The following SLC38A1 variants were observed in gnomAD, a reference collection of about 807,000 sequenced individuals.
SLC38A1 encodes solute carrier family 38 member 1.
In SLC38A1, 18 loss-of-function variants were observed where a neutral mutation model predicts 60.3. The ratio of observed to expected loss-of-function variants is 0.30; its 90% CI spans 0.21 to 0.44. The LOEUF (loss-of-function observed/expected upper bound fraction) is 0.44, where lower values mean the gene tolerates loss of function less well. SLC38A1 is among the 20% of genes least tolerant of loss of function. The pLI is 1.00. For missense variants in SLC38A1, 448 were observed against 587.2 expected (o/e 0.76, Z 2.45); for synonymous variants, 196 against 212.1 (o/e 0.92, Z 0.66).
At chr12:46,225,761 CTA>C (rs888534429) in intron 5 of SLC38A1, among the ~76,000 whole-genome samples, 1 of 152,166 alleles carries the variant, frequency 6.6e-6, no homozygotes, top group Non-Finnish European at 1.5e-5. Context: ...TAAAGAGGAA[CTA>C]TCTGACATCT....
Position 46,197,748 on chromosome 12 carries a change from T to C in SLC38A1, c.1334A>G (p.Asp445Gly). ...AATTCTTTGAGTTCCTTTATCTCCA[T>C]CCTGGTCTGTGATTTTTAAATAAAG... is the stretch of plus-strand genomic sequence containing the variant. ...SSLYLKITDQDGDKGTQRIWA... is the reference protein window; with the variant it reads ...SSLYLKITDQGGDKGTQRIWA... Residue 445 changes from aspartate to glycine, a missense_variant, in exon 16 of 17, where the codon GAT becomes GGT. Asp to Gly is a moderately conservative substitution (Grantham distance 94). Coordinates refer to ENST00000398637, the MANE Select transcript of SLC38A1 (RefSeq NM_030674.4). The C allele has an allele frequency of 6.2e-7, 1 of 1,602,502 alleles. No homozygotes were observed. The highest frequency in any genetic ancestry group is 8.5e-7 in the Non-Finnish European group (1 of 1,176,562).
rs776371815 is a variant in SLC38A1, at chr12:46,209,034, C to T, written c.388+20G>A. ...TAATTCACCCTGGTTTTAACAAAAT[C>T]AAACACGTCCTCAGCTTACCTGTTT... On this transcript the variant is annotated intron_variant, in intron 6 of 16. Coordinates refer to ENST00000398637, the MANE Select transcript of SLC38A1 (RefSeq NM_030674.4). The T allele has an allele frequency of 4.4e-6, 7 of 1,576,930 alleles. No homozygotes were observed. Among genetic ancestry groups the T allele is most frequent in the African/African-American group, 1.4e-5 (1 of 73,860 alleles).
chr12:46,227,732 T>C (rs1403793331), intron 5 of SLC38A1, among the ~76,000 whole-genome samples: 1 of 152,180 alleles, frequency 6.6e-6, no homozygotes, highest in African/African-American at 2.4e-5. Flanking sequence ...CACAGAACCA[T>C]AGCGTTTTGG....
intron 5 of SLC38A1, among the ~76,000 whole-genome samples, chr12:46,209,681 C>T (rs1247620827): frequency 6.6e-6 from 1 of 152,162 alleles, no homozygotes; most frequent in East Asian, 1.9e-4. Context: ...ATGTAATTCA[C>T]TTTTTTTGCA....
intron 5 of SLC38A1, among the ~76,000 whole-genome samples, chr12:46,213,440 C>T (rs1218341858): frequency 1.3e-5 from 2 of 152,180 alleles, no homozygotes; most frequent in Non-Finnish European, 1.5e-5. Flanking sequence ...TATATATCAA[C>T]CACTGCATCT....
At chr12:46,206,430 A>G (rs1939905705) in intron 8 of SLC38A1, among the ~76,000 whole-genome samples, 1 of 151,780 alleles carries the variant, frequency 6.6e-6, no homozygotes, top group African/African-American at 2.4e-5. Context: ...AATTATTTAC[A>G]TGGTTTCAAA....
rs537929307 is a variant in SLC38A1 at position 46,218,420 on chromosome 12, G to C, written c.315-9293C>G. Among the ~76,000 whole-genome samples the C allele has an allele frequency of 6.7e-4, 102 of 152,102 alleles. 1 individual carries two copies. The highest frequency in any genetic ancestry group is 2.9e-3 in the Admixed American group (44 of 15,268). Reference sequence around the variant, plus strand: ...GGTATTTGGGACTTTTGTTCCGGTAGAAAGGTGGATTGGGGGCTTCATTCA... The same window carrying C: ...GGTATTTGGGACTTTTGTTCCGGTACAAAGGTGGATTGGGGGCTTCATTCA... On this transcript the variant is annotated intron_variant, in intron 5 of 16. Coordinates refer to ENST00000398637, the MANE Select transcript of SLC38A1 (RefSeq NM_030674.4).
rs12227190 is a variant in SLC38A1 at position 46,256,636 on chromosome 12, C to G, written c.-209+11890G>C. On this transcript the variant is annotated intron_variant, in intron 1 of 16. Transcript: ENST00000398637. Reference sequence around the variant, plus strand: ...GCGCACACACACACACACACACACACAGAGAGAGAGAGAGAGAGAGAGAGA... The same window carrying G: ...GCGCACACACACACACACACACACAGAGAGAGAGAGAGAGAGAGAGAGAGA... Among the ~76,000 whole-genome samples, 662 of 123,238 alleles carry G rather than the reference C, an allele frequency of 5.4e-3. 4 individuals carry two copies. The highest frequency in any genetic ancestry group is 0.014 in the South Asian group (52 of 3,620). 80.8% of individuals were successfully genotyped at this position (123,238 alleles called of 152,430 possible).
At chr12:46,246,902 A>C (rs1941640524) in intron 1 of SLC38A1, among the ~76,000 whole-genome samples, 1 of 152,212 alleles carries the variant, frequency 6.6e-6, no homozygotes, top group Non-Finnish European at 1.5e-5. Context: ...GTCTGGAAAG[A>C]ACCTCCAGCA....
intron 5 of SLC38A1, among the ~76,000 whole-genome samples, chr12:46,218,053 A>G (rs2059414772): frequency 6.6e-6 from 1 of 152,250 alleles, no homozygotes; most frequent in Admixed American, 6.5e-5. Flanking sequence ...CCCAGTAAAA[A>G]TAGAATTTTA....
chr12:46,226,347 C>A (rs1940861983), intron 5 of SLC38A1, among the ~76,000 whole-genome samples: 2 of 151,806 alleles, frequency 1.3e-5, no homozygotes, highest in African/African-American at 4.8e-5. Flanking sequence ...ATATTGAAAT[C>A]ATGAAACAGA....
chr12:46,249,926 C>G (rs1157631388), intron 1 of SLC38A1, among the ~76,000 whole-genome samples: 1 of 152,174 alleles, frequency 6.6e-6, no homozygotes, highest in Non-Finnish European at 1.5e-5. Context: ...GGAGCTGGTA[C>G]CATTCCTCCT....
chr12:46,268,670 G>C lies in SLC38A1; in HGVS notation c.-353C>G, dbSNP rs539126242. On this transcript the variant is annotated 5_prime_UTR_variant, in exon 1 of 17. Transcript: ENST00000398637. The surrounding 1 kb of genome is among the most constrained non-coding windows in gnomAD (Gnocchi z 4.4). ...ATGTGGCCCCCGTCAGTAAGGGTTG[G>C]GCAGGGAGCTTGGCGTGGCCTGGCG... 6.7e-5 allele frequency: 19 copies of C among 283,754 alleles called. No homozygotes were observed. The East Asian group carries it at 1.9e-3, about 29-fold the overall frequency. The allele number at this position is 283,754 out of a possible 1,614,324, so 17.6% of individuals were successfully genotyped here.
At chr12:46,211,343 A>G (rs1184377650) in intron 5 of SLC38A1, among the ~76,000 whole-genome samples, 1 of 152,206 alleles carries the variant, frequency 6.6e-6, no homozygotes, top group Admixed American at 6.5e-5. Flanking sequence ...CATGGGCCCA[A>G]GGCTAATGTA....
chr12:46,264,871 C>A (rs757545825), intron 1 of SLC38A1, among the ~76,000 whole-genome samples: 11 of 152,290 alleles, frequency 7.2e-5, no homozygotes, highest in South Asian at 4.1e-4. Context: ...CTTCAAAGTA[C>A]TTCTGTGCAC....
Position 46,208,876 on chromosome 12 carries a change from T to A in SLC38A1, c.388+178A>T, listed in dbSNP as rs143428956. Among the ~76,000 whole-genome samples the A allele has an allele frequency of 2.1e-3, 318 of 152,340 alleles. 2 individuals are homozygous for A. Among genetic ancestry groups the A allele is most frequent in the African/African-American group, 7.4e-3 (306 of 41,578 alleles). The stretch of plus-strand genomic sequence containing the variant: ...TGTCCATGACAATTTAATTTATATT[T>A]TGCTGCAACTGTTTCTCTAGATAAA... On this transcript the variant is annotated intron_variant, in intron 6 of 16. Coordinates refer to ENST00000398637, the MANE Select transcript of SLC38A1 (RefSeq NM_030674.4).
At chr12:46,264,962 G>C (rs1433008041) in intron 1 of SLC38A1, among the ~76,000 whole-genome samples, 1 of 151,934 alleles carries the variant, frequency 6.6e-6, no homozygotes, top group Non-Finnish European at 1.5e-5. Flanking sequence ...TTTCCATCAA[G>C]ATATATTTTC....
At chr12:46,200,950 C>T (rs1266007744) in intron 13 of SLC38A1, 148 bp downstream of exon 13, 8 of 616,292 alleles carry the variant, frequency 1.3e-5, no homozygotes, top group Admixed American at 6.2e-5. Flanking sequence ...AAAAGATCAC[C>T]ATTGCTTTAA....
intron 5 of SLC38A1, among the ~76,000 whole-genome samples, chr12:46,210,932 C>G (rs1161990957): frequency 6.6e-6 from 1 of 152,106 alleles, no homozygotes; most frequent in Non-Finnish European, 1.5e-5. Flanking sequence ...CTTATCTCTT[C>G]AGGTTGAGGG....
Sources: gnomAD v4.1 joint callset for allele counts (sites outside exome capture counted in the v4.1 genomes callset) on GRCh38, gnomAD v4.1.1 for gene constraint, Gnocchi (gnomAD v3.1) non-coding constraint, MANE v1.5 for transcripts, NCBI Gene and HGNC (gene_info 2026-07-23, HGNC 2026-07-21) for gene names.